Variants in PTPRB observed in about 807,000 individuals in gnomAD.
PTPRB encodes the protein receptor-type tyrosine-protein phosphatase beta.
Under a neutral mutation model 238.1 loss-of-function variants are expected in PTPRB, and 97 were observed. That is an observed-to-expected ratio of 0.41 (90% CI 0.35 to 0.48). The LOEUF is 0.48. Ranked by LOEUF, PTPRB falls within the 20% of genes least tolerant of loss-of-function variation. The pLI is 0.30. For synonymous variants in PTPRB, 970 were observed against 995.4 expected, an observed-to-expected ratio of 0.97 and a Z score of 0.48; for missense variants, 2,292 against 2,681.9, an observed-to-expected ratio of 0.85 and a Z score of 3.21.
At chr12:70,544,075 T>C (rs373655899) in intron 22 of PTPRB, among the ~76,000 whole-genome samples, 1 of 152,236 alleles carries the variant, frequency 6.6e-6, no homozygotes, top group East Asian at 1.9e-4. Flanking sequence ...TAATGGTTTT[T>C]AGTACTACAA....
chr12:70,540,141 G>T, intron 23 of PTPRB, 119 bp from the exon 24 acceptor site: 1 of 772,024 alleles, frequency 1.3e-6, no homozygotes, highest in East Asian at 2.7e-5. Context: ...TATTCATACA[G>T]ATTTGCACTC....
intron 4 of PTPRB, among the ~76,000 whole-genome samples, chr12:70,603,684 A>G (rs77652652): frequency 0.011 from 1,722 of 152,318 alleles, 25 homozygotes; most frequent in African/African-American, 0.038. Context: ...CATATGTGAC[A>G]AAAGCTTTTC....
intron 6 of PTPRB, 75 bp downstream of exon 6, chr12:70,594,392 A>G: frequency 6.5e-7 from 1 of 1,545,142 alleles, no homozygotes. Flanking sequence ...ACAGTTATTC[A>G]TATAATAAAC....
intron 12 of PTPRB, 109 bp from the exon 13 acceptor site, chr12:70,571,398 A>G (rs1880037608): frequency 2.8e-6 from 3 of 1,086,126 alleles, no homozygotes; most frequent in Admixed American, 5.5e-5. Flanking sequence ...CCTTCCCCAA[A>G]TAAACCACTA....
At chr12:70,616,236 A>C (rs1044737880) in intron 3 of PTPRB, among the ~76,000 whole-genome samples, 3 of 152,044 alleles carry the variant, frequency 2.0e-5, no homozygotes, top group Non-Finnish European at 4.4e-5. Flanking sequence ...GAGCCACTGC[A>C]CCCAGCCTCT....
intron 10 of PTPRB, among the ~76,000 whole-genome samples, chr12:70,578,457 G>A (rs1032793715): frequency 6.6e-6 from 1 of 151,872 alleles, no homozygotes; most frequent in Non-Finnish European, 1.5e-5. Flanking sequence ...TCGTGATAAT[G>A]TGCACTCTTC....
intron 27 of PTPRB, chr12:70,538,458 CCTTT>C: frequency 1.9e-6 from 1 of 515,586 alleles, no homozygotes; most frequent in Non-Finnish European, 3.4e-6. Flanking sequence ...TCTGTGCTTC[CCTTT>C]CTGACATTAC....
At chr12:70,535,529 ATC>A (rs1386544882) in intron 29 of PTPRB, among the ~76,000 whole-genome samples, 1 of 152,128 alleles carries the variant, frequency 6.6e-6, no homozygotes, top group East Asian at 1.9e-4. Flanking sequence ...TTTATACGTA[ATC>A]TCTCTTTTAA....
chr12:70,603,863 A>G (rs1883723503), intron 4 of PTPRB, among the ~76,000 whole-genome samples: 2 of 152,206 alleles, frequency 1.3e-5, no homozygotes, highest in Admixed American at 1.3e-4. Context: ...CTCAACTCTT[A>G]GTCTCTATGC....
chr12:70,622,326 CT>C, intron 3 of PTPRB, 63 bp downstream of exon 3: 4 of 1,573,772 alleles, frequency 2.5e-6, no homozygotes, highest in Non-Finnish European at 3.5e-6. Context: ...CAAAGCAAGT[CT>C]TTTCAAGCAA....
At position 70,558,571 on chromosome 12, in the gene PTPRB, T is replaced by C. The variant is rs376089408; in HGVS notation, c.4714+772A>G. ...GATAGTATCTATCCCAAAATGCCTTTGGGAAGAAACTGGTATATGCTTCGT... is the reference window on the plus strand; with the variant it reads ...GATAGTATCTATCCCAAAATGCCTTCGGGAAGAAACTGGTATATGCTTCGT... On this transcript the variant is annotated intron_variant, in intron 18 of 33. Coordinates refer to ENST00000334414, the MANE Select transcript of PTPRB (RefSeq NM_001109754.4). 6.9e-4 allele frequency among the ~76,000 whole-genome samples: 105 copies of C among 152,294 alleles called. No individual in the cohort carries two copies. In the South Asian group the frequency reaches 7.7e-3, roughly 11 times the overall value.
At chr12:70,579,493 T>C (rs950529993) in intron 10 of PTPRB, among the ~76,000 whole-genome samples, 4 of 151,920 alleles carry the variant, frequency 2.6e-5, no homozygotes, top group African/African-American at 9.7e-5. Flanking sequence ...GGTCAGGAGA[T>C]CGAGACCATC....
Position 70,521,223 on chromosome 12 carries a change from A to ACTT in PTPRB, c.*263_*265dup. Reference sequence around the variant, plus strand: ...GTTTTATGTAGAACAAGTCATGAACACTTTAGTGTGGAAAAATAGTATTAT... The same window carrying ACTT: ...GTTTTATGTAGAACAAGTCATGAACACTTCTTTAGTGTGGAAAAATAGTATTAT... On this transcript the variant is annotated 3_prime_UTR_variant, in exon 34 of 34. Coordinates refer to ENST00000334414, the MANE Select transcript of PTPRB (RefSeq NM_001109754.4). 1 of 321,740 alleles carries ACTT rather than the reference A, an allele frequency of 3.1e-6. No individual in the cohort carries two copies. Among genetic ancestry groups the ACTT allele is most frequent in the Non-Finnish European group, 5.6e-6 (1 of 178,308 alleles). 19.9% of individuals were successfully genotyped at this position (321,740 alleles called of 1,614,324 possible).
intron 21 of PTPRB, among the ~76,000 whole-genome samples, chr12:70,550,451 A>G (rs1876711400): frequency 6.6e-6 from 1 of 152,138 alleles, no homozygotes; most frequent in African/African-American, 2.4e-5. Flanking sequence ...TGCTCTGGTA[A>G]GTGAATGGGA....
intron 9 of PTPRB, among the ~76,000 whole-genome samples, chr12:70,584,392 G>A (rs145788516): frequency 9.8e-4 from 149 of 152,246 alleles, no homozygotes; most frequent in Non-Finnish European, 1.7e-3. Flanking sequence ...AAAGACACTA[G>A]TTGGAAAGTA....
Position 70,609,607 on chromosome 12 carries a change from G to A in PTPRB, c.709-268C>T, listed in dbSNP as rs568071490. 1.7e-4 allele frequency among the ~76,000 whole-genome samples: 26 copies of A among 152,266 alleles called. 3 individuals carry two copies. The South Asian group carries it at 5.4e-3, about 32-fold the overall frequency. On this transcript the variant is annotated intron_variant, in intron 3 of 33. Transcript: ENST00000334414. ...GATAAGCTGTCATTCTGGGTTGGGG[G>A]GCTCACCAGAGGATCATTCTTCCCA...
intron 26 of PTPRB, chr12:70,539,305 G>A (rs1387520930): frequency 7.6e-6 from 4 of 528,546 alleles, no homozygotes; most frequent in Admixed American, 3.3e-5. Context: ...GCGAAACCAC[G>A]GCATCTTCCA....
At chr12:70,548,157 T>A (rs1282718409) in intron 21 of PTPRB, among the ~76,000 whole-genome samples, 1 of 152,066 alleles carries the variant, frequency 6.6e-6, no homozygotes, top group Non-Finnish European at 1.5e-5. Context: ...TGAAACCCCA[T>A]CTCTATTAAA....
At chr12:70,589,097 G>A (rs1208247112) in intron 8 of PTPRB, among the ~76,000 whole-genome samples, 3 of 152,188 alleles carry the variant, frequency 2.0e-5, no homozygotes, top group Non-Finnish European at 4.4e-5. Context: ...TGACAGAGAT[G>A]CTTGTCCTGT....
Sources: gnomAD v4.1 joint callset for allele counts (sites outside exome capture counted in the v4.1 genomes callset) on GRCh38, gnomAD v4.1.1 for gene constraint, MANE v1.5 for transcripts, NCBI Gene and HGNC (gene_info 2026-07-23, HGNC 2026-07-21) for gene names.